SPTBN4: variants seen among roughly 807,000 people sequenced by gnomAD.
The protein encoded by SPTBN4 is spectrin beta, non-erythrocytic 4, also known as spectrin beta chain, non-erythrocytic 4.
SPTBN4 carries 96 observed loss-of-function variants against 277.8 expected under a neutral mutation model. The ratio of observed to expected loss-of-function variants is 0.35; its 90% confidence interval spans 0.29 to 0.41. SPTBN4 has a LOEUF of 0.41. SPTBN4 is among the 10% of genes least tolerant of loss of function. SPTBN4 has a pLI of 1.00. For missense variants in SPTBN4, 3,006 were observed against 3,595.7 expected (o/e 0.84, Z 4.19); for synonymous variants, 1,481 against 1,580.3 (o/e 0.94, Z 1.49).
chr19:40,472,859 T>A, intron 2 of SPTBN4, 69 bp downstream of exon 2: 4 of 1,392,304 alleles, frequency 2.9e-6, no homozygotes, highest in South Asian at 1.4e-5. Context: ...AGAACCTTGG[T>A]GGCTGGGAGG....
chr19:40,535,589 T>A (rs898149208), intron 20 of SPTBN4, among the ~76,000 whole-genome samples: 3 of 148,898 alleles, frequency 2.0e-5, no homozygotes, highest in Admixed American at 6.7e-5. Flanking sequence ...TAGTAAGAAA[T>A]ACATAATGAC....
At chr19:40,484,774 T>TA (rs201944484) in intron 2 of SPTBN4, among the ~76,000 whole-genome samples, 8,226 of 150,708 alleles carry the variant, frequency 0.055, 309 homozygotes, top group South Asian at 0.14. Flanking sequence ...AAAAAAAAAT[T>TA]AAAAAAAATT....
At chr19:40,505,841 A>T (rs1448883289) in intron 12 of SPTBN4, among the ~76,000 whole-genome samples, 1 of 152,176 alleles carries the variant, frequency 6.6e-6, no homozygotes, top group African/African-American at 2.4e-5. Flanking sequence ...AAAGAGAGGC[A>T]GAGAAAGATG....
intron 1 of SPTBN4, among the ~76,000 whole-genome samples, chr19:40,467,624 G>T (rs924826436): frequency 2.1e-5 from 1 of 48,644 alleles, no homozygotes; most frequent in Non-Finnish European, 4.1e-5. Flanking sequence ...CAGCCTTTGC[G>T]GGGGGGGGGG....
Position 40,554,224 on chromosome 19 carries a change from G to A in SPTBN4, c.4752G>A (p.Leu1584=). ...VLERAGALAS[L]RSPEAEAVRR... ...AGCGCGCGGGCGCGCTGGCGTCGCT[G>A]CGCAGCCCGGAGGCAGAGGCAGTGC... Residue 1584 remains leucine (L), a synonymous_variant, in exon 23 of 36, where the codon CTG becomes CTA. Coordinates refer to ENST00000598249, the MANE Select transcript of SPTBN4 (RefSeq NM_020971.3). The surrounding 1 kb of genome is among the most constrained non-coding windows in gnomAD (Gnocchi z 5.7). 1 of 1,507,362 alleles carries A rather than the reference G, an allele frequency of 6.6e-7. No homozygotes were observed. The highest frequency in any genetic ancestry group is 8.8e-7 in the Non-Finnish European group (1 of 1,137,280). 93.4% of individuals were successfully genotyped at this position (1,507,362 alleles called of 1,614,324 possible).
chr19:40,523,836 C>T (rs1486244167), intron 17 of SPTBN4, among the ~76,000 whole-genome samples, 197 bp downstream of exon 17: 1 of 152,032 alleles, frequency 6.6e-6, no homozygotes, highest in Non-Finnish European at 1.5e-5. Context: ...CGGGGTCTCA[C>T]TGTGTTGCCC....
chr19:40,478,695 G>A (rs999821161), intron 2 of SPTBN4, among the ~76,000 whole-genome samples: 1 of 151,962 alleles, frequency 6.6e-6, no homozygotes, highest in East Asian at 1.9e-4. Context: ...ACAGGCGCCC[G>A]TCACCACGCC....
chr19:40,560,599 G>T lies in SPTBN4; in HGVS notation c.5915+196G>T. 1 of 1,449,692 alleles carries T rather than the reference G, an allele frequency of 6.9e-7. No individual in the cohort carries two copies. The highest frequency in any genetic ancestry group is 1.4e-5 in the South Asian group (1 of 69,274). The allele number at this position is 1,449,692 out of a possible 1,614,324, so 89.8% of individuals were successfully genotyped here. On this transcript the variant is annotated intron_variant, in intron 27 of 35. Transcript: ENST00000598249. The surrounding 1 kb of genome is among the most constrained non-coding windows in gnomAD (Gnocchi z 5.2). Reference sequence around the variant, plus strand: ...TTTAGGCCTGTCATTGGGGACTTCGGTCATGGGGCATCCTTCTGTCCGCTG... The same window carrying T: ...TTTAGGCCTGTCATTGGGGACTTCGTTCATGGGGCATCCTTCTGTCCGCTG...
rs1373493251 is a variant in SPTBN4, at chr19:40,518,829, G to T, written c.2904-572G>T. Reference sequence around the variant, plus strand: ...GAGGACCGCTTGAGCCTGCGAATTGGAGGCTTCAGTGTGCCATAAACGAGT... The same window carrying T: ...GAGGACCGCTTGAGCCTGCGAATTGTAGGCTTCAGTGTGCCATAAACGAGT... On this transcript the variant is annotated intron_variant, in intron 15 of 35. Coordinates refer to ENST00000598249, the MANE Select transcript of SPTBN4 (RefSeq NM_020971.3). Among the ~76,000 whole-genome samples, 6 of 152,260 alleles carry T rather than the reference G, an allele frequency of 3.9e-5. No homozygotes were observed. The East Asian group carries it at 9.6e-4, about 24-fold the overall frequency.
rs913428718 is a variant in SPTBN4 at position 40,523,631 on chromosome 19, G to A, written c.3849G>A (p.Leu1283=). The A allele has an allele frequency of 6.2e-7, 1 of 1,610,812 alleles. No individual in the cohort carries two copies. Among genetic ancestry groups the A allele is most frequent in the African/African-American group, 1.3e-5 (1 of 74,896 alleles). The part of the protein sequence containing the change: ...GEQAQEAVTR[L]LEKNQENQLR... ...AGGCTCAGGAGGCTGTGACCCGGCT[G>A]CTGGAGAAGTAGGTCCCCTAGACCC... The change falls in exon 17 of 36, where the codon CTG becomes CTA. Residue 1283 remains leucine, a synonymous_variant. Transcript: ENST00000598249.
intron 26 of SPTBN4, among the ~76,000 whole-genome samples, chr19:40,558,538 A>T (rs2145938866): frequency 6.6e-6 from 1 of 152,270 alleles, no homozygotes; most frequent in South Asian, 2.1e-4. Flanking sequence ...CTGCAGGCCC[A>T]ATACAACTCA....
chr19:40,468,479 C>T (rs1057476054), intron 1 of SPTBN4, among the ~76,000 whole-genome samples: 1 of 152,106 alleles, frequency 6.6e-6, no homozygotes. Flanking sequence ...CAGGTTCAAG[C>T]GATTCTCCTG....
rs533883130 is a variant in SPTBN4, at chr19:40,575,482, C to T, written c.7608C>T (p.Gly2536=). The T allele has an allele frequency of 5.6e-6, 9 of 1,613,466 alleles. No individual in the cohort carries two copies. In the East Asian group the frequency reaches 1.3e-4, roughly 24 times the overall value. Residue 2536 remains glycine, a synonymous_variant, in exon 36 of 36, where the codon GGC becomes GGT. Coordinates refer to ENST00000598249, the MANE Select transcript of SPTBN4 (RefSeq NM_020971.3). ...AACACGCAGAGATCGCCCGCTGGGGCCAGACACTACCCACTACTTCATCCA... is the reference window on the plus strand; with the variant it reads ...AACACGCAGAGATCGCCCGCTGGGGTCAGACACTACCCACTACTTCATCCA... ...VAEHAEIARW[G]QTLPTTSSTD... is the part of the protein sequence containing the mutation.
chr19:40,494,385 T>C (rs2080171369), intron 5 of SPTBN4, among the ~76,000 whole-genome samples: 1 of 151,284 alleles, frequency 6.6e-6, no homozygotes, highest in African/African-American at 2.4e-5. Flanking sequence ...TCTCTGTCTA[T>C]ATCTTGCTCT....
chr19:40,575,629 A>G lies in SPTBN4; in HGVS notation c.*60A>G, dbSNP rs1443138214. The stretch of plus-strand genomic sequence containing the variant: ...CCCTCTTTTCCGCACTGTGGGCACA[A>G]AGACACTTTTTCTTCCGCAGGGGCG... On this transcript the variant is annotated 3_prime_UTR_variant, in exon 36 of 36. Coordinates refer to ENST00000598249, the MANE Select transcript of SPTBN4 (RefSeq NM_020971.3). 1.3e-6 allele frequency: 2 copies of G among 1,533,264 alleles called. No individual in the cohort carries two copies. The highest frequency in any genetic ancestry group is 1.9e-5 in the Admixed American group (1 of 51,424). 95.0% of individuals were successfully genotyped at this position (1,533,264 alleles called of 1,614,324 possible).
At chr19:40,512,139 A>G (rs945521343) in intron 13 of SPTBN4, among the ~76,000 whole-genome samples, 1 of 152,202 alleles carries the variant, frequency 6.6e-6, no homozygotes, top group Non-Finnish European at 1.5e-5. Flanking sequence ...ACAAACAAAC[A>G]AAAAACAAAG....
At chr19:40,476,324 G>A (rs538995928) in intron 2 of SPTBN4, among the ~76,000 whole-genome samples, 70 of 144,480 alleles carry the variant, frequency 4.8e-4, no homozygotes, top group African/African-American at 1.8e-3. Flanking sequence ...CAGCCTGGGC[G>A]TCAATAGCAA....
chr19:40,533,123 G>A (rs1382207765), intron 19 of SPTBN4, among the ~76,000 whole-genome samples: 1 of 152,108 alleles, frequency 6.6e-6, no homozygotes, highest in Non-Finnish European at 1.5e-5. Flanking sequence ...ACAGACCCTG[G>A]GAAGCCCAGG....
At chr19:40,538,149 G>A (rs931402982) in intron 20 of SPTBN4, among the ~76,000 whole-genome samples, 2 of 152,162 alleles carry the variant, frequency 1.3e-5, no homozygotes, top group African/African-American at 4.8e-5. Context: ...AGCACTTTGG[G>A]AGGCCAAGGC....
Sources: allele counts gnomAD v4.1 joint callset (sites outside exome capture counted in the v4.1 genomes callset), GRCh38; gene constraint gnomAD v4.1.1; non-coding constraint Gnocchi (gnomAD v3.1); transcripts MANE v1.5; gene names NCBI Gene and HGNC (gene_info 2026-07-23, HGNC 2026-07-21).